ZNF16: variants seen among roughly 807,000 people sequenced by gnomAD.
The protein encoded by ZNF16 is zinc finger protein KOX9.
A neutral mutation model predicts 9.0 loss-of-function variants in ZNF16; 7 were observed. The ratio of observed to expected loss-of-function variants is 0.78; its 90% CI spans 0.44 to 1.47. ZNF16 has a LOEUF of 1.47. Ranked by LOEUF, ZNF16 falls within the 40% of genes most tolerant of loss-of-function variation. ZNF16 has a pLI of 0.01. For missense variants in ZNF16, 830 were observed against 854.2 expected, an observed-to-expected ratio of 0.97 and a Z score of 0.35; for synonymous variants, 312 against 301.5, an observed-to-expected ratio of 1.03 and a Z score of -0.36.
chr8:144,937,827 T>C (rs894676579), intron 2 of ZNF16, among the ~76,000 whole-genome samples: 1 of 90,428 alleles, frequency 1.1e-5, no homozygotes, highest in Non-Finnish European at 2.6e-5. Context: ...CACAACTGGC[T>C]ATTTTTTTTT....
intron 2 of ZNF16, among the ~76,000 whole-genome samples, chr8:144,936,376 A>G (rs1833682357): frequency 1.3e-5 from 2 of 152,292 alleles, no homozygotes; most frequent in South Asian, 4.1e-4. Context: ...TGTGAACATG[A>G]TATGCATGTA....
chr8:144,935,186 A>T (rs1833653300), intron 2 of ZNF16, among the ~76,000 whole-genome samples: 1 of 147,038 alleles, frequency 6.8e-6, no homozygotes, highest in African/African-American at 2.4e-5. Flanking sequence ...AAAATAAAAA[A>T]TTTTATTTTC....
chr8:144,930,571 C>A lies in ZNF16; in HGVS notation c.*167G>T, dbSNP rs1833498160. 1.5e-6 allele frequency: 1 copy of A among 686,538 alleles called. No homozygotes were observed. The highest frequency in any genetic ancestry group is 3.0e-5 in the South Asian group (1 of 33,762). 42.5% of individuals were successfully genotyped at this position (686,538 alleles called of 1,614,324 possible). ...AAGAGCAGTGGCAGTGAGAAGGGAG[C>A]CTGTAAAGGATGTTTCAAAGGAGGG... On this transcript the variant is annotated 3_prime_UTR_variant, in exon 3 of 3. Transcript: ENST00000394909.
intron 2 of ZNF16, among the ~76,000 whole-genome samples, chr8:144,934,509 C>T (rs1424999511): frequency 2.6e-5 from 4 of 152,232 alleles, no homozygotes; most frequent in African/African-American, 9.6e-5. Context: ...AGCCCTGGCT[C>T]CAGAGGGTGT....
chr8:144,938,792 T>C (rs1336799631), intron 2 of ZNF16, among the ~76,000 whole-genome samples: 2 of 152,230 alleles, frequency 1.3e-5, no homozygotes, highest in Non-Finnish European at 2.9e-5. Flanking sequence ...GGCTGCAGAG[T>C]GGCATGTTTG....
At chr8:144,949,799 T>C (rs1357188601) in intron 1 of ZNF16, among the ~76,000 whole-genome samples, 1 of 152,140 alleles carries the variant, frequency 6.6e-6, no homozygotes, top group African/African-American at 2.4e-5. Flanking sequence ...TTGTCCAAGA[T>C]TTGTCCCCAT....
chr8:144,931,629 G>T lies in ZNF16; in HGVS notation c.1158C>A (p.Phe386Leu). ...PFECGECGKA[F>L]SQSAHLRKHQ... The stretch of plus-strand genomic sequence containing the variant: ...GCTTCCTCAGGTGTGCACTCTGGCT[G>T]AAGGCTTTCCCACACTCGCCACACT... Residue 386 changes from phenylalanine to leucine, a missense_variant, in exon 3 of 3, where the codon TTC becomes TTA. Phe to Leu is a conservative substitution (Grantham distance 22). Transcript: ENST00000394909. The T allele has an allele frequency of 6.2e-7, 1 of 1,614,026 alleles. No homozygotes were observed.
chr8:144,940,528 C>A (rs2130028368), intron 2 of ZNF16, among the ~76,000 whole-genome samples: 1 of 152,336 alleles, frequency 6.6e-6, no homozygotes, highest in Middle Eastern at 3.4e-3. Context: ...CATTTGTAAA[C>A]TTTCCAGTTT....
At chr8:144,945,837 G>A in intron 2 of ZNF16, 174 bp downstream of exon 2, 1 of 1,293,588 alleles carries the variant, frequency 7.7e-7, no homozygotes, top group East Asian at 2.6e-5. Context: ...AGGTGCCAGG[G>A]GCCAGGCTAG....
At position 144,933,555 on chromosome 8, in the gene ZNF16, C is replaced by T. The variant is rs1412020368; in HGVS notation, c.197-965G>A. ...AGATGTCACGAGTCTCTCATTCAAA[C>T]TGACATCCCAGGCCACACTGCCACC... is the stretch of plus-strand genomic sequence containing the variant. On this transcript the variant is annotated intron_variant, in intron 2 of 2. Coordinates refer to ENST00000394909, the MANE Select transcript of ZNF16 (RefSeq NM_006958.3). The surrounding 1 kb of genome is among the most constrained non-coding windows in gnomAD (Gnocchi z 5.6). Among the ~76,000 whole-genome samples, 2 of 152,272 alleles carry T rather than the reference C, an allele frequency of 1.3e-5. No homozygotes were observed. Among genetic ancestry groups the T allele is most frequent in the Non-Finnish European group, 2.9e-5 (2 of 68,018 alleles).
At chr8:144,939,693 C>G (rs576303969) in intron 2 of ZNF16, among the ~76,000 whole-genome samples, 1 of 143,424 alleles carries the variant, frequency 7.0e-6, no homozygotes, top group African/African-American at 2.5e-5. Flanking sequence ...GAGGTCTGTT[C>G]TGATTTTCTA....
At chr8:144,947,087 A>G (rs1425204433) in intron 1 of ZNF16, among the ~76,000 whole-genome samples, 8 of 84,468 alleles carry the variant, frequency 9.5e-5, no homozygotes, top group South Asian at 3.7e-4. Flanking sequence ...ACTGTGGGCC[A>G]TACCCTGCTG....
chr8:144,937,829 T>C (rs75397244), intron 2 of ZNF16, among the ~76,000 whole-genome samples: 1 of 87,466 alleles, frequency 1.1e-5, no homozygotes, highest in Non-Finnish European at 2.6e-5. Context: ...CAACTGGCTA[T>C]TTTTTTTTTG....
Position 144,930,662 on chromosome 8 carries a change from G to T in ZNF16, c.*76C>A. On this transcript the variant is annotated 3_prime_UTR_variant, in exon 3 of 3. Transcript: ENST00000394909. The stretch of plus-strand genomic sequence containing the variant: ...GTCCAGGCTTTCGGTCTGGGAAGTG[G>T]CAGAGGCTGAGACAATGGCCAAAGA... 6.8e-7 allele frequency: 1 copy of T among 1,473,924 alleles called. No homozygotes were observed. The highest frequency in any genetic ancestry group is 9.1e-7 in the Non-Finnish European group (1 of 1,104,966). 91.3% of individuals were successfully genotyped at this position (1,473,924 alleles called of 1,614,324 possible). A position where few individuals can be genotyped will look rare whatever the true frequency, so the allele number is the denominator to read the frequency against.
In ZNF16 at chr8:144,932,302, A is replaced by C. The variant is rs757007885; in HGVS notation, c.485T>G (p.Phe162Cys). 2 of 1,614,188 alleles carry C rather than the reference A, an allele frequency of 1.2e-6. No homozygotes were observed. The highest frequency in any genetic ancestry group is 2.2e-5 in the South Asian group (2 of 91,086). ...DLDCNGFDSR[F>C]SLSPNLMACQ... ...TGCCATCAGGTTTGGGCTCAGACTGAAGCGACTGTCAAAACCATTACAGTC... is the reference window on the plus strand; with the variant it reads ...TGCCATCAGGTTTGGGCTCAGACTGCAGCGACTGTCAAAACCATTACAGTC... Residue 162 changes from phenylalanine to cysteine, a missense_variant, in exon 3 of 3, where the codon TTC becomes TGC. Transcript: ENST00000394909. The surrounding 1 kb of genome is among the most constrained non-coding windows in gnomAD (Gnocchi z 5.0).
intron 2 of ZNF16, among the ~76,000 whole-genome samples, chr8:144,936,372 C>T (rs1833682252): frequency 6.6e-6 from 1 of 152,192 alleles, no homozygotes; most frequent in Non-Finnish European, 1.5e-5. Flanking sequence ...CTGCTGTGAA[C>T]ATGATATGCA....
chr8:144,930,709 C>T lies in ZNF16; in HGVS notation c.*29G>A. 6.6e-7 allele frequency: 1 copy of T among 1,515,420 alleles called. No individual in the cohort carries two copies. Among genetic ancestry groups the T allele is most frequent in the East Asian group, 2.3e-5 (1 of 43,992 alleles). 93.9% of individuals were successfully genotyped at this position (1,515,420 alleles called of 1,614,324 possible). On this transcript the variant is annotated 3_prime_UTR_variant, in exon 3 of 3. Transcript: ENST00000394909. Reference sequence around the variant, plus strand: ...AAGAGGAGTTGGAGAGGAAACTATGCTCGGTTTCACTCCTGCCAGCCCAAC... The same window carrying T: ...AAGAGGAGTTGGAGAGGAAACTATGTTCGGTTTCACTCCTGCCAGCCCAAC...
Position 144,939,595 on chromosome 8 carries a change from C to CAAA in ZNF16, c.196+6413_196+6415dup, listed in dbSNP as rs58274217. Reference sequence around the variant, plus strand: ...TGAGGAACAGAGCGAGACTCCGTCTCAAAAAAAAAAAAAAAAAAAAAAAAA... The same window carrying CAAA: ...TGAGGAACAGAGCGAGACTCCGTCTCAAAAAAAAAAAAAAAAAAAAAAAAAAAA... On this transcript the variant is annotated intron_variant, in intron 2 of 2. Coordinates refer to ENST00000394909, the MANE Select transcript of ZNF16 (RefSeq NM_006958.3). Among the ~76,000 whole-genome samples, 51 of 57,382 alleles carry CAAA rather than the reference C, an allele frequency of 8.9e-4. 2 individuals carry two copies. Among genetic ancestry groups the CAAA allele is most frequent in the African/African-American group, 2.1e-3 (35 of 16,810 alleles). 37.6% of individuals were successfully genotyped at this position (57,382 alleles called of 152,430 possible). A position where few individuals can be genotyped will look rare whatever the true frequency, so the allele number is the denominator to read the frequency against.
chr8:144,947,925 G>C (rs1412074019), intron 1 of ZNF16: 1 of 152,248 alleles, frequency 6.6e-6, no homozygotes, highest in Non-Finnish European at 1.5e-5. Context: ...GTGCCCACTG[G>C]GAGCACTGAC....
Sources: allele counts gnomAD v4.1 joint callset (sites outside exome capture counted in the v4.1 genomes callset), GRCh38; gene constraint gnomAD v4.1.1; non-coding constraint Gnocchi (gnomAD v3.1); transcripts MANE v1.5; gene names NCBI Gene and HGNC (gene_info 2026-07-23, HGNC 2026-07-21).